Variants in KIRREL3 observed in about 807,000 individuals in gnomAD.
KIRREL3 encodes kirre like nephrin family adhesion molecule 3.
KIRREL3 carries 36 observed loss-of-function variants against 89.7 expected under a neutral mutation model. The observed-to-expected ratio is 0.40, with a 90% CI of 0.31 to 0.53. The LOEUF (loss-of-function observed/expected upper bound fraction) is 0.53. Among genes scored for constraint, KIRREL3 ranks in the 20% least tolerant of loss-of-function variants. The probability of loss-of-function intolerance (pLI) is 0.49; values close to 1 mark genes in which losing one functional copy is unlikely to be tolerated. For synonymous variants in KIRREL3, 445 were observed against 441.4 expected (o/e 1.01, Z -0.10); for missense variants, 864 against 1,056.6 (o/e 0.82, Z 2.53).
intron 1 of KIRREL3, among the ~76,000 whole-genome samples, chr11:126,712,440 C>T (rs2134148523): frequency 6.6e-6 from 1 of 152,358 alleles, no homozygotes; most frequent in East Asian, 1.9e-4. Context: ...CACGCCTCTT[C>T]AATCTGGGGC....
chr11:126,785,408 C>T (rs1021517721), intron 1 of KIRREL3, among the ~76,000 whole-genome samples: 6 of 152,182 alleles, frequency 3.9e-5, no homozygotes, highest in African/African-American at 7.2e-5. Context: ...CAGAGCCTCA[C>T]TTGTCCCTTC....
Position 126,635,704 on chromosome 11 carries a change from A to T in KIRREL3, c.56-72792T>A, listed in dbSNP as rs1944239502. Among the ~76,000 whole-genome samples, 1 of 152,166 alleles carries T rather than the reference A, an allele frequency of 6.6e-6. No homozygotes were observed. Among genetic ancestry groups the T allele is most frequent in the Non-Finnish European group, 1.5e-5 (1 of 68,042 alleles). On this transcript the variant is annotated intron_variant, in intron 1 of 16. Coordinates refer to ENST00000525144, the MANE Select transcript of KIRREL3 (RefSeq NM_032531.4). This position sits in a 1 kb window ranked among gnomAD's most constrained non-coding sequence, Gnocchi z 4.0. ...TCTGCTCACGTCATCAAAGCTCTTG[A>T]GGCCTCAGCTTCCTTATCTGTAAAA...
intron 1 of KIRREL3, among the ~76,000 whole-genome samples, chr11:126,720,625 C>T (rs1948132032): frequency 6.6e-6 from 1 of 152,204 alleles, no homozygotes; most frequent in Admixed American, 6.5e-5. Context: ...TGAAGACATT[C>T]ACCACCCAAA....
intron 1 of KIRREL3, among the ~76,000 whole-genome samples, chr11:126,911,965 A>C (rs1334248981): frequency 7.3e-6 from 1 of 137,568 alleles, no homozygotes; most frequent in African/African-American, 2.7e-5. Context: ...CCTGGGCGAC[A>C]GAGCGAGACT....
intron 1 of KIRREL3, among the ~76,000 whole-genome samples, chr11:126,801,497 C>T (rs1234593563): frequency 6.6e-6 from 1 of 152,166 alleles, no homozygotes; most frequent in Non-Finnish European, 1.5e-5. Flanking sequence ...ATGTGGAAGT[C>T]AGATGAGAAA....
chr11:126,964,766 A>G (rs1949213347), intron 1 of KIRREL3, among the ~76,000 whole-genome samples: 1 of 152,288 alleles, frequency 6.6e-6, no homozygotes, highest in Non-Finnish European at 1.5e-5. Flanking sequence ...ACTGAGATTT[A>G]TTGACCCAAG....
intron 4 of KIRREL3, among the ~76,000 whole-genome samples, chr11:126,502,677 G>A (rs1316272653): frequency 6.6e-6 from 1 of 152,194 alleles, no homozygotes; most frequent in African/African-American, 2.4e-5. Context: ...CTAAGAGACT[G>A]GCGCAGACTT....
At chr11:126,838,222 T>C (rs1034630240) in intron 1 of KIRREL3, among the ~76,000 whole-genome samples, 2 of 152,218 alleles carry the variant, frequency 1.3e-5, no homozygotes, top group African/African-American at 4.8e-5. Context: ...CATCCTGTCA[T>C]CATGTTTAAA....
intron 1 of KIRREL3, among the ~76,000 whole-genome samples, chr11:126,690,116 C>T (rs1022102992): frequency 2.0e-5 from 3 of 152,212 alleles, no homozygotes; most frequent in African/African-American, 7.2e-5. Flanking sequence ...TCAACCTCCC[C>T]AGTTTCAGCT....
At chr11:126,675,550 G>T (rs1451050771) in intron 1 of KIRREL3, among the ~76,000 whole-genome samples, 2 of 152,182 alleles carry the variant, frequency 1.3e-5, no homozygotes, top group African/African-American at 4.8e-5. Flanking sequence ...TTTTTCTCTA[G>T]CTGGGGATCT....
In KIRREL3 at chr11:126,565,289, A is replaced by AC. The variant is rs967837277; in HGVS notation, c.56-2378dup. Among the ~76,000 whole-genome samples, 3 of 152,028 alleles carry AC rather than the reference A, an allele frequency of 2.0e-5. No individual in the cohort carries two copies. Among genetic ancestry groups the AC allele is most frequent in the Non-Finnish European group, 4.4e-5 (3 of 68,004 alleles). On this transcript the variant is annotated intron_variant, in intron 1 of 16. Transcript: ENST00000525144. This position sits in a 1 kb window ranked among gnomAD's most constrained non-coding sequence, Gnocchi z 5.4. ...CCTCTCCTATGCCACATACTAGGAC[A>AC]CCCCCCAGGGCAACTGCTTGAGGAG...
chr11:126,841,888 C>T (rs1473832758), intron 1 of KIRREL3, among the ~76,000 whole-genome samples: 1 of 152,140 alleles, frequency 6.6e-6, no homozygotes, highest in Non-Finnish European at 1.5e-5. Flanking sequence ...AAGACAAAGG[C>T]TTCATACATC....
At chr11:126,662,477 C>T (rs1945451081) in intron 1 of KIRREL3, among the ~76,000 whole-genome samples, 1 of 152,178 alleles carries the variant, frequency 6.6e-6, no homozygotes, top group Non-Finnish European at 1.5e-5. Context: ...CCGGGAAGTG[C>T]AAGATCTAGA....
chr11:126,784,058 A>C (rs1045606686), intron 1 of KIRREL3, among the ~76,000 whole-genome samples: 3 of 152,202 alleles, frequency 2.0e-5, no homozygotes, highest in Non-Finnish European at 4.4e-5. Context: ...AGTACTCCCC[A>C]AAATTGTGAA....
chr11:126,995,720 A>G lies in KIRREL3; in HGVS notation c.55+4735T>C, dbSNP rs149519706. Reference sequence around the variant, plus strand: ...TCATTAGTATTGTTATTATTTTGCTATTGAAATCTCTTCAATTCGCTCTGG... The same window carrying G: ...TCATTAGTATTGTTATTATTTTGCTGTTGAAATCTCTTCAATTCGCTCTGG... On this transcript the variant is annotated intron_variant, in intron 1 of 16. Coordinates refer to ENST00000525144, the MANE Select transcript of KIRREL3 (RefSeq NM_032531.4). This position sits in a 1 kb window ranked among gnomAD's most constrained non-coding sequence, Gnocchi z 6.5. Among the ~76,000 whole-genome samples the G allele has an allele frequency of 4.7e-4, 72 of 152,282 alleles. No individual in the cohort carries two copies. In the East Asian group the frequency reaches 0.012, roughly 25 times the overall value.
At chr11:126,874,448 T>A (rs1401996835) in intron 1 of KIRREL3, among the ~76,000 whole-genome samples, 3 of 152,212 alleles carry the variant, frequency 2.0e-5, no homozygotes, top group Non-Finnish European at 4.4e-5. Flanking sequence ...AGTTTAAAAA[T>A]CAGCACTGCC....
At chr11:126,770,875 A>G (rs2134297656) in intron 1 of KIRREL3, among the ~76,000 whole-genome samples, 1 of 152,302 alleles carries the variant, frequency 6.6e-6, no homozygotes, top group South Asian at 2.1e-4. Context: ...TCACTCTGTC[A>G]CCCAGGCTGG....
In KIRREL3 at chr11:126,695,219, G is replaced by T. The variant is rs1209030357; in HGVS notation, c.56-132307C>A. ...CTGCTCTAATTCATTGGTATTTTGGGGTTCTCTTATCTGTGTGATCAGAAG... is the reference window on the plus strand; with the variant it reads ...CTGCTCTAATTCATTGGTATTTTGGTGTTCTCTTATCTGTGTGATCAGAAG... On this transcript the variant is annotated intron_variant, in intron 1 of 16. Coordinates refer to ENST00000525144, the MANE Select transcript of KIRREL3 (RefSeq NM_032531.4). 2.0e-5 allele frequency among the ~76,000 whole-genome samples: 3 copies of T among 152,088 alleles called. No individual in the cohort carries two copies. The East Asian group carries it at 5.8e-4, about 29-fold the overall frequency.
rs546586815 is a variant in KIRREL3, at chr11:126,530,632, C to G, written c.134-3945G>C. On this transcript the variant is annotated intron_variant, in intron 2 of 16. Transcript: ENST00000525144. This position sits in a 1 kb window ranked among gnomAD's most constrained non-coding sequence, Gnocchi z 5.8. ...GCTCGCAGCTGTGCCCCCTCCCCAT[C>G]ACACCTGGGCGTCTCAGATGGAGCA... Among the ~76,000 whole-genome samples, 8 of 152,162 alleles carry G rather than the reference C, an allele frequency of 5.3e-5. No homozygotes were observed. Among genetic ancestry groups the G allele is most frequent in the Non-Finnish European group, 1.2e-4 (8 of 68,030 alleles).
Sources: gnomAD v4.1 joint callset for allele counts (sites outside exome capture counted in the v4.1 genomes callset) on GRCh38, gnomAD v4.1.1 for gene constraint, Gnocchi (gnomAD v3.1) non-coding constraint, MANE v1.5 for transcripts, NCBI Gene and HGNC (gene_info 2026-07-23, HGNC 2026-07-21) for gene names.